Variants in DIP2C observed in about 807,000 individuals in gnomAD.
DIP2C encodes disco-interacting protein 2 homolog C.
Under a neutral mutation model 192.4 loss-of-function variants are expected in DIP2C, and 33 were observed. That is an observed-to-expected ratio of 0.17 (90% CI 0.13 to 0.23). The LOEUF is 0.23. Among genes scored for constraint, DIP2C ranks in the 10% least tolerant of loss-of-function variants. The pLI is 1.00. For missense variants in DIP2C, 1,537 were observed against 2,110.1 expected, an observed-to-expected ratio of 0.73 and a Z score of 5.32; for synonymous variants, 979 against 864.1, an observed-to-expected ratio of 1.13 and a Z score of -2.33.
chr10:586,696 T>G (rs1434406358), intron 1 of DIP2C, among the ~76,000 whole-genome samples: 3 of 152,246 alleles, frequency 2.0e-5, no homozygotes, highest in Non-Finnish European at 4.4e-5. Flanking sequence ...AGAGCCCCAA[T>G]GACCACAATG....
At chr10:566,770 C>A (rs763398244) in intron 1 of DIP2C, among the ~76,000 whole-genome samples, 5 of 152,196 alleles carry the variant, frequency 3.3e-5, no homozygotes, top group East Asian at 1.9e-4. Context: ...CAAAGTCAGG[C>A]CCATCGGACA....
intron 9 of DIP2C, among the ~76,000 whole-genome samples, chr10:404,655 G>A (rs1240980502): frequency 6.6e-6 from 1 of 152,206 alleles, no homozygotes; most frequent in Non-Finnish European, 1.5e-5. Context: ...ATTGAGAGGG[G>A]AGCAGGCCAT....
intron 1 of DIP2C, among the ~76,000 whole-genome samples, chr10:589,251 AT>A (rs1351853382): frequency 6.6e-6 from 1 of 152,126 alleles, no homozygotes; most frequent in Non-Finnish European, 1.5e-5. Flanking sequence ...CAGCTGCATG[AT>A]TTGTAGACAT....
chr10:654,577 TAC>T lies in DIP2C; in HGVS notation c.85+34915_85+34916del, dbSNP rs1856163462. ...TTACAGAAAACATCTCATTTCATCCTACACAGAGTATACAGACTGCTTCACAG... is the reference window on the plus strand; with the variant it reads ...TTACAGAAAACATCTCATTTCATCCTACAGAGTATACAGACTGCTTCACAG... On this transcript the variant is annotated intron_variant, in intron 1 of 36. Coordinates refer to ENST00000280886, the MANE Select transcript of DIP2C (RefSeq NM_014974.3). Among the ~76,000 whole-genome samples, 3 of 152,200 alleles carry T rather than the reference TAC, an allele frequency of 2.0e-5. No individual in the cohort carries two copies. The East Asian group carries it at 5.8e-4, about 29-fold the overall frequency.
intron 6 of DIP2C, among the ~76,000 whole-genome samples, chr10:417,667 AGG>A (rs1230068679): frequency 3.8e-4 from 2 of 5,310 alleles, no homozygotes; most frequent in African/African-American, 4.8e-4. Flanking sequence ...TGTTCCTGTC[AGG>A]GCTCGGATAG....
intron 1 of DIP2C, among the ~76,000 whole-genome samples, chr10:644,096 T>G (rs745742850): frequency 6.6e-6 from 1 of 152,246 alleles, no homozygotes; most frequent in Non-Finnish European, 1.5e-5. Flanking sequence ...AGGTCAGGAT[T>G]CCGTGAGCGT....
At chr10:558,441 T>G (rs1195299419) in intron 1 of DIP2C, among the ~76,000 whole-genome samples, 1 of 152,048 alleles carries the variant, frequency 6.6e-6, no homozygotes, top group Non-Finnish European at 1.5e-5. Flanking sequence ...TAAAGGAAGG[T>G]GCAGTTGTAT....
chr10:642,948 A>C (rs1588661206), intron 1 of DIP2C, among the ~76,000 whole-genome samples: 2 of 152,374 alleles, frequency 1.3e-5, no homozygotes, highest in Admixed American at 6.5e-5. Flanking sequence ...CCACACCTGT[A>C]ATCTCAGCAC....
intron 2 of DIP2C, among the ~76,000 whole-genome samples, chr10:483,410 C>G (rs991611693): frequency 3.7e-4 from 56 of 152,246 alleles, no homozygotes; most frequent in Non-Finnish European, 7.1e-4. Context: ...CTTCCCAGGA[C>G]AGCTGCACAT....
chr10:449,606 GAATATCAC>G (rs1453579193), intron 3 of DIP2C, among the ~76,000 whole-genome samples: 3 of 127,374 alleles, frequency 2.4e-5, no homozygotes, highest in African/African-American at 8.9e-5. Flanking sequence ...ACAGGAAGGG[GAATATCAC>G]ACTCTGGGGA....
chr10:524,378 G>A lies in DIP2C; in HGVS notation c.86-37848C>T, dbSNP rs547267081. ...GGAAAATTATTTAATTACCTTCATG[G>A]TCATCAAGTAAAATCAGTCACTCAG... On this transcript the variant is annotated intron_variant, in intron 1 of 36. Coordinates refer to ENST00000280886, the MANE Select transcript of DIP2C (RefSeq NM_014974.3). Among the ~76,000 whole-genome samples the A allele has an allele frequency of 1.6e-4, 25 of 152,278 alleles. No homozygotes were observed. In the East Asian group the frequency reaches 4.4e-3, roughly 27 times the overall value.
intron 3 of DIP2C, among the ~76,000 whole-genome samples, chr10:449,781 TTAAAA>T (rs1968686626): frequency 3.9e-5 from 5 of 128,678 alleles, no homozygotes; most frequent in African/African-American, 1.5e-4. Flanking sequence ...TAAAGTATAA[TTAAAA>T]AAAAAAAAAA....
chr10:633,973 C>A (rs1854682352), intron 1 of DIP2C, among the ~76,000 whole-genome samples: 1 of 152,236 alleles, frequency 6.6e-6, no homozygotes, highest in Admixed American at 6.5e-5. Flanking sequence ...AAAAGACTCT[C>A]TTTGGTGGCT....
At chr10:523,223 G>C (rs1846824643) in intron 1 of DIP2C, among the ~76,000 whole-genome samples, 1 of 146,882 alleles carries the variant, frequency 6.8e-6, no homozygotes. Context: ...AAGGACCCTG[G>C]AGTAAGGATG....
At chr10:395,176 T>G in intron 10 of DIP2C, among the ~76,000 whole-genome samples, 1 of 146,456 alleles carries the variant, frequency 6.8e-6, no homozygotes, top group South Asian at 2.3e-4. Flanking sequence ...GGGGAGATGT[T>G]GGTCAGAAGA....
In DIP2C at chr10:399,224, G is replaced by A. The variant is rs990744964; in HGVS notation, c.1150-5C>T. The A allele has an allele frequency of 6.2e-6, 10 of 1,613,606 alleles. No individual in the cohort carries two copies. Among genetic ancestry groups the A allele is most frequent in the African/African-American group, 2.7e-5 (2 of 74,922 alleles). ...GTTGGGGAACACCAGTGCCACCTGT[G>A]GGACAGGCCAGAGCGGGTCAGCATT... On this transcript the variant is annotated splice_region_variant and splice_polypyrimidine_tract_variant and intron_variant, in intron 9 of 36. Coordinates refer to ENST00000280886, the MANE Select transcript of DIP2C (RefSeq NM_014974.3).
chr10:430,712 G>A (rs945023351), intron 4 of DIP2C, among the ~76,000 whole-genome samples: 14 of 152,238 alleles, frequency 9.2e-5, no homozygotes, highest in Admixed American at 7.8e-4. Context: ...TTCACACCTT[G>A]CACCTTTGGT....
At chr10:614,933 TCA>T (rs981505816) in intron 1 of DIP2C, among the ~76,000 whole-genome samples, 8 of 152,128 alleles carry the variant, frequency 5.3e-5, no homozygotes, top group South Asian at 4.1e-4. Flanking sequence ...CCCCATGGCA[TCA>T]CAGTTGCCTC....
chr10:550,305 C>T (rs550602086), intron 1 of DIP2C, among the ~76,000 whole-genome samples: 3 of 152,180 alleles, frequency 2.0e-5, no homozygotes, highest in East Asian at 1.9e-4. Flanking sequence ...CCACAGTGCC[C>T]GGCCCATGTA....
Sources: allele counts gnomAD v4.1 joint callset (sites outside exome capture counted in the v4.1 genomes callset), GRCh38; gene constraint gnomAD v4.1.1; transcripts MANE v1.5; gene names NCBI Gene and HGNC (gene_info 2026-07-23, HGNC 2026-07-21).